Variants in CHD3 observed in about 807,000 individuals in gnomAD.
CHD3 encodes ATP-dependent chromatin remodeler CHD3.
Under a neutral mutation model 248.9 loss-of-function variants are expected in CHD3, and 52 were observed. That is an observed-to-expected ratio of 0.21 (90% CI 0.17 to 0.26). CHD3 has a LOEUF of 0.26. CHD3 is among the 10% of genes least tolerant of loss of function. CHD3 has a pLI of 1.00. For missense variants in CHD3, 1,482 were observed against 2,605.8 expected (o/e 0.57, Z 9.39); for synonymous variants, 985 against 985.2 (o/e 1.00, Z 0.00).
chr17:7,889,668 G>A lies in CHD3; in HGVS notation c.105G>A (p.Lys35=). The A allele has an allele frequency of 6.2e-7, 1 of 1,611,494 alleles. No individual in the cohort carries two copies. The highest frequency in any genetic ancestry group is 2.2e-5 in the East Asian group (1 of 44,846). The change falls in exon 2 of 40, where the codon AAG becomes AAA. Residue 35 remains lysine, a synonymous_variant. Coordinates refer to ENST00000330494, the MANE Select transcript of CHD3 (RefSeq NM_001005273.3). This position sits in a 1 kb window ranked among gnomAD's most constrained non-coding sequence, Gnocchi z 4.5. The part of the protein sequence containing the change: ...GLCWGDRMPD[K]DDIRLLPSAL... ...CTGATGCTTTTTGCTTCAAAGATAA[G>A]GATGACATTCGGCTGCTGCCGTCAG...
rs1376757536 is a variant in CHD3 at position 7,895,327 on chromosome 17, T to C, written c.1504-12T>C. 3 of 1,613,820 alleles carry C rather than the reference T, an allele frequency of 1.9e-6. No homozygotes were observed. The highest frequency in any genetic ancestry group is 2.5e-6 in the Non-Finnish European group (3 of 1,179,892). ...CTTTCTTTCCTCCTCCTTGTACGTG[T>C]CCATCCCAAAGTGCCCCGTGCTGAA... On this transcript the variant is annotated splice_polypyrimidine_tract_variant and intron_variant, in intron 9 of 39. Coordinates refer to ENST00000330494, the MANE Select transcript of CHD3 (RefSeq NM_001005273.3). This position sits in a 1 kb window ranked among gnomAD's most constrained non-coding sequence, Gnocchi z 4.9.
intron 3 of CHD3, 90 bp from the exon 4 acceptor site, chr17:7,890,850 G>T: frequency 1.3e-6 from 2 of 1,591,138 alleles, no homozygotes; most frequent in South Asian, 2.3e-5. Context: ...AGAAAGCCCA[G>T]GGAAGCTAGT....
intron 7 of CHD3, 28 bp downstream of exon 7, chr17:7,894,293 T>G: frequency 6.2e-7 from 1 of 1,606,198 alleles, no homozygotes; most frequent in East Asian, 2.2e-5. Context: ...TGTGTGATCC[T>G]GTCAGTGGGC....
chr17:7,892,094 G>C (rs1330717573), intron 4 of CHD3, among the ~76,000 whole-genome samples: 3 of 152,188 alleles, frequency 2.0e-5, no homozygotes, highest in Non-Finnish European at 4.4e-5. Context: ...GGAAAGCACA[G>C]TACCGTCAGT....
In CHD3 at chr17:7,903,617, A is replaced by G; in HGVS notation, c.3727+114A>G. 9.4e-7 allele frequency: 1 copy of G among 1,066,370 alleles called. No individual in the cohort carries two copies. Among genetic ancestry groups the G allele is most frequent in the Non-Finnish European group, 1.4e-6 (1 of 739,498 alleles). 66.1% of individuals were successfully genotyped at this position (1,066,370 alleles called of 1,614,324 possible). A position where few individuals can be genotyped will look rare whatever the true frequency, so the allele number is the denominator to read the frequency against. The stretch of plus-strand genomic sequence containing the variant: ...TCTCTGCAGCCTTTGAAGGAAGGAG[A>G]GCCTTCTTTTAGTAGCCCTTGGAGG... On this transcript the variant is annotated intron_variant, in intron 23 of 39. Coordinates refer to ENST00000330494, the MANE Select transcript of CHD3 (RefSeq NM_001005273.3). This position sits in a 1 kb window ranked among gnomAD's most constrained non-coding sequence, Gnocchi z 6.8.
At position 7,900,336 on chromosome 17, in the gene CHD3, T is replaced by C. The variant is rs1450777961; in HGVS notation, c.2729T>C (p.Leu910Pro). 1 of 1,614,074 alleles carries C rather than the reference T, an allele frequency of 6.2e-7. No homozygotes were observed. Among genetic ancestry groups the C allele is most frequent in the Non-Finnish European group, 8.5e-7 (1 of 1,180,028 alleles). The change falls in exon 17 of 40, where the codon CTG becomes CCG. Residue 910 changes from leucine to proline, a missense_variant. Coordinates refer to ENST00000330494, the MANE Select transcript of CHD3 (RefSeq NM_001005273.3). The surrounding 1 kb of genome is among the most constrained non-coding windows in gnomAD (Gnocchi z 6.5). ...NGYKIDHKLL[L>P]TGTPLQNNLE... is the part of the protein sequence containing the mutation. Reference sequence around the variant, plus strand: ...TACAAGATAGATCATAAGTTGCTGCTGACAGGAACCCCATTGCAGAATAAT... The same window carrying C: ...TACAAGATAGATCATAAGTTGCTGCCGACAGGAACCCCATTGCAGAATAAT...
rs1968411324 is a variant in CHD3, at chr17:7,888,917, G to A, written c.-84G>A. 10 of 1,597,654 alleles carry A rather than the reference G, an allele frequency of 6.3e-6. No homozygotes were observed. The highest frequency in any genetic ancestry group is 7.7e-6 in the Non-Finnish European group (9 of 1,171,150). The stretch of plus-strand genomic sequence containing the variant: ...CCCCCTAGTTCCCAAAGGGAGCAGG[G>A]AGATGGGAATAGAATTGAAGGTAGG... On this transcript the variant is annotated 5_prime_UTR_variant, in exon 1 of 40. Transcript: ENST00000330494.
rs778862217 is a variant in CHD3 at position 7,904,017 on chromosome 17, T to C, written c.3894+26T>C. 1.2e-6 allele frequency: 2 copies of C among 1,610,196 alleles called. No homozygotes were observed. Among genetic ancestry groups the C allele is most frequent in the East Asian group, 4.5e-5 (2 of 44,826 alleles). On this transcript the variant is annotated intron_variant, in intron 24 of 39. Coordinates refer to ENST00000330494, the MANE Select transcript of CHD3 (RefSeq NM_001005273.3). This position sits in a 1 kb window ranked among gnomAD's most constrained non-coding sequence, Gnocchi z 4.4. ...GTGAGAGGCTTTGGGGGCCAGACAT[T>C]ATCTATCCCAGGCCATCTCCAAAAG...
intron 6 of CHD3, 22 bp from the exon 7 acceptor site, chr17:7,894,093 A>G (rs1482637060): frequency 2.4e-5 from 39 of 1,592,640 alleles, no homozygotes; most frequent in Non-Finnish European, 3.2e-5. Context: ...TGCCTCACTG[A>G]CGGCCACGGG....
At position 7,902,591 on chromosome 17, in the gene CHD3, TC is replaced by T. The variant is rs1225880566; in HGVS notation, c.3253-17del. The T allele has an allele frequency of 1.3e-5, 20 of 1,538,392 alleles. No homozygotes were observed. The highest frequency in any genetic ancestry group is 1.8e-5 in the Non-Finnish European group (20 of 1,111,840). ...CACCACCTCATTATTGCAGACTCCATCCTTTTCTCTTGCTCTAGATGACCAA... is the reference window on the plus strand; with the variant it reads ...CACCACCTCATTATTGCAGACTCCATCTTTTCTCTTGCTCTAGATGACCAA... On this transcript the variant is annotated intron_variant, in intron 20 of 39. Coordinates refer to ENST00000330494, the MANE Select transcript of CHD3 (RefSeq NM_001005273.3).
In CHD3 at chr17:7,911,754, G is replaced by T. The variant is rs1971697610; in HGVS notation, c.*169G>T. The T allele has an allele frequency of 6.6e-7, 1 of 1,523,356 alleles. No homozygotes were observed. The highest frequency in any genetic ancestry group is 8.9e-7 in the Non-Finnish European group (1 of 1,129,926). The allele number at this position is 1,523,356 out of a possible 1,614,324, so 94.4% of individuals were successfully genotyped here. On this transcript the variant is annotated 3_prime_UTR_variant, in exon 40 of 40. Transcript: ENST00000330494. This position sits in a 1 kb window ranked among gnomAD's most constrained non-coding sequence, Gnocchi z 5.4. ...CTCCTCTCTTCAAGAAGGGCCCTTT[G>T]TCTTTCTCCACTCCCACACACCTTT... is the stretch of plus-strand genomic sequence containing the variant.
Position 7,909,478 on chromosome 17 carries a change from C to A in CHD3, c.5590+140C>A. ...CCTCTGACCTCTAACCCCACTCCTA[C>A]CGACCTGGCACCCCCTTGGATTTTA... is the stretch of plus-strand genomic sequence containing the variant. On this transcript the variant is annotated intron_variant, in intron 37 of 39. Coordinates refer to ENST00000330494, the MANE Select transcript of CHD3 (RefSeq NM_001005273.3). This position sits in a 1 kb window ranked among gnomAD's most constrained non-coding sequence, Gnocchi z 8.1. 1 of 1,234,038 alleles carries A rather than the reference C, an allele frequency of 8.1e-7. No homozygotes were observed. Among genetic ancestry groups the A allele is most frequent in the Non-Finnish European group, 1.1e-6 (1 of 920,222 alleles). 76.4% of individuals were successfully genotyped at this position (1,234,038 alleles called of 1,614,324 possible).
At position 7,909,537 on chromosome 17, in the gene CHD3, A is replaced by C; in HGVS notation, c.5590+199A>C. Reference sequence around the variant, plus strand: ...GACTTGTGCAAGCCAACCCTCATCCATGTCTGATAGCATTCACATCCGTGC... The same window carrying C: ...GACTTGTGCAAGCCAACCCTCATCCCTGTCTGATAGCATTCACATCCGTGC... On this transcript the variant is annotated intron_variant, in intron 37 of 39. Transcript: ENST00000330494. This position sits in a 1 kb window ranked among gnomAD's most constrained non-coding sequence, Gnocchi z 8.1. 4.2e-6 allele frequency: 3 copies of C among 715,414 alleles called. No individual in the cohort carries two copies. The highest frequency in any genetic ancestry group is 5.9e-5 in the East Asian group (2 of 33,744). The allele number at this position is 715,414 out of a possible 1,614,324, so 44.3% of individuals were successfully genotyped here.
intron 13 of CHD3, 138 bp from the exon 14 acceptor site, chr17:7,898,873 A>C: frequency 1.3e-6 from 1 of 790,056 alleles, no homozygotes; most frequent in Non-Finnish European, 2.1e-6. Flanking sequence ...TGAAGACTAG[A>C]TGTGAGAACT....
Position 7,890,607 on chromosome 17 carries a change from T to C in CHD3, c.250T>C (p.Tyr84His). The change falls in exon 3 of 40, where the codon TAC becomes CAC. Residue 84 changes from tyrosine to histidine, a missense_variant. By Grantham distance (83) the Tyr-to-His change is moderately conservative. Transcript: ENST00000330494. ...GGAATTTGGTTCTGAGCGAGATGAG[T>C]ACCGGGAGAAGTCAGAGAGTGGGGG... ...EEEFGSERDE[Y>H]REKSESGGSE... 1 of 1,601,536 alleles carries C rather than the reference T, an allele frequency of 6.2e-7. No homozygotes were observed. Among genetic ancestry groups the C allele is most frequent in the South Asian group, 1.1e-5 (1 of 89,784 alleles).
At position 7,895,634 on chromosome 17, in the gene CHD3, T is replaced by A; in HGVS notation, c.1707+92T>A. The A allele has an allele frequency of 2.6e-6, 3 of 1,153,332 alleles. No homozygotes were observed. The South Asian group carries it at 4.3e-5, about 16-fold the overall frequency. 71.4% of individuals were successfully genotyped at this position (1,153,332 alleles called of 1,614,324 possible). A position where few individuals can be genotyped will look rare whatever the true frequency, so the allele number is the denominator to read the frequency against. ...TCCTCTGTTTGTTGGGTTCCCATAC[T>A]CTTTGTTTTCTCTCATTTCAGGCCT... is the stretch of plus-strand genomic sequence containing the variant. On this transcript the variant is annotated intron_variant, in intron 10 of 39. Transcript: ENST00000330494. The surrounding 1 kb of genome is among the most constrained non-coding windows in gnomAD (Gnocchi z 4.9).
chr17:7,903,594 T>C lies in CHD3; in HGVS notation c.3727+91T>C. 1 of 1,172,520 alleles carries C rather than the reference T, an allele frequency of 8.5e-7. No individual in the cohort carries two copies. 72.6% of individuals were successfully genotyped at this position (1,172,520 alleles called of 1,614,324 possible). A position where few individuals can be genotyped will look rare whatever the true frequency, so the allele number is the denominator to read the frequency against. On this transcript the variant is annotated intron_variant, in intron 23 of 39. Transcript: ENST00000330494. This position sits in a 1 kb window ranked among gnomAD's most constrained non-coding sequence, Gnocchi z 6.8. Reference sequence around the variant, plus strand: ...CCTGGGGAGAGAAAAACAACTCTTCTCTGCAGCCTTTGAAGGAAGGAGAGC... The same window carrying C: ...CCTGGGGAGAGAAAAACAACTCTTCCCTGCAGCCTTTGAAGGAAGGAGAGC...
rs567394146 is a variant in CHD3 at position 7,889,568 on chromosome 17, G to T, written c.101-96G>T. 3.1e-6 allele frequency: 3 copies of T among 961,596 alleles called. No homozygotes were observed. Among genetic ancestry groups the T allele is most frequent in the East Asian group, 5.2e-5 (2 of 38,312 alleles). The allele number at this position is 961,596 out of a possible 1,614,324, so 59.6% of individuals were successfully genotyped here. ...CTTGGAGGAGTTAATGCTTCCTAGA[G>T]AGTGGGAACTGCCGAGGTGGGGAAG... On this transcript the variant is annotated intron_variant, in intron 1 of 39. Coordinates refer to ENST00000330494, the MANE Select transcript of CHD3 (RefSeq NM_001005273.3). The surrounding 1 kb of genome is among the most constrained non-coding windows in gnomAD (Gnocchi z 4.5).
In CHD3 at chr17:7,907,629, G is replaced by T. The variant is rs1165959758; in HGVS notation, c.4953G>T (p.Gly1651=). 1 of 1,524,500 alleles carries T rather than the reference G, an allele frequency of 6.6e-7. No homozygotes were observed. The highest frequency in any genetic ancestry group is 2.6e-5 in the Admixed American group (1 of 38,632). 94.4% of individuals were successfully genotyped at this position (1,524,500 alleles called of 1,614,324 possible). A position where few individuals can be genotyped will look rare whatever the true frequency, so the allele number is the denominator to read the frequency against. ...CAGAGTCGACGCCAGGAGAAAGGGG[G>T]GAGGAGAAGCCGTTGGATGGACAGG... The part of the protein sequence containing the change: ...SATESTPGER[G]EEKPLDGQEH... The change falls in exon 33 of 40, where the codon GGG becomes GGT. Residue 1651 remains glycine (G), a synonymous_variant. Coordinates refer to ENST00000330494, the MANE Select transcript of CHD3 (RefSeq NM_001005273.3). This position sits in a 1 kb window ranked among gnomAD's most constrained non-coding sequence, Gnocchi z 4.3.
Sources: gnomAD v4.1 joint callset for allele counts (sites outside exome capture counted in the v4.1 genomes callset) on GRCh38, gnomAD v4.1.1 for gene constraint, Gnocchi (gnomAD v3.1) non-coding constraint, MANE v1.5 for transcripts, NCBI Gene and HGNC (gene_info 2026-07-23, HGNC 2026-07-21) for gene names.